Variants in GAS2 observed in about 807,000 individuals in gnomAD.
GAS2 encodes growth arrest-specific protein 2.
In GAS2, 20 loss-of-function variants were observed where a neutral mutation model predicts 37.5. That is an observed-to-expected ratio of 0.53 (90% CI 0.37 to 0.77). The LOEUF (loss-of-function observed/expected upper bound fraction) is 0.77, where lower values mean the gene tolerates loss of function less well. Among genes scored for constraint, GAS2 ranks in the 30% least tolerant of loss-of-function variants. GAS2 has a pLI of 0.00. For synonymous variants in GAS2, 144 were observed against 132.2 expected (o/e 1.09, Z -0.61); for missense variants, 336 against 373.4 (o/e 0.90, Z 0.82).
intron 1 of GAS2, among the ~76,000 whole-genome samples, chr11:22,644,424 A>G (rs986299770): frequency 7.2e-5 from 11 of 152,172 alleles, no homozygotes; most frequent in African/African-American, 2.7e-4. Context: ...CCAAGTATAA[A>G]GGGAGGCTTT....
At chr11:22,749,483 T>C (rs1475457338) in intron 6 of GAS2, among the ~76,000 whole-genome samples, 1 of 151,996 alleles carries the variant, frequency 6.6e-6, no homozygotes, top group East Asian at 1.9e-4. Flanking sequence ...CAGACCAATA[T>C]CTAAAACTTT....
chr11:22,758,881 C>G (rs528524153), intron 7 of GAS2, among the ~76,000 whole-genome samples: 6 of 99,110 alleles, frequency 6.1e-5, no homozygotes, highest in Non-Finnish European at 1.2e-4. Context: ...CCATCGCACT[C>G]CAGCCTGGAC....
chr11:22,707,157 G>A (rs1485364974), intron 3 of GAS2, among the ~76,000 whole-genome samples: 5 of 152,182 alleles, frequency 3.3e-5, no homozygotes, highest in Non-Finnish European at 7.3e-5. Context: ...AGGGAGATTG[G>A]TCTGGAGTTT....
At chr11:22,654,885 C>G (rs375691500) in intron 1 of GAS2, among the ~76,000 whole-genome samples, 1 of 152,080 alleles carries the variant, frequency 6.6e-6, no homozygotes, top group East Asian at 1.9e-4. Flanking sequence ...GAGCTACATA[C>G]TAGTCTTCAT....
intron 2 of GAS2, among the ~76,000 whole-genome samples, chr11:22,679,297 A>G (rs1048440764): frequency 6.6e-6 from 1 of 152,096 alleles, no homozygotes. Flanking sequence ...ATTGTTGCCT[A>G]TTGTACATTA....
intron 2 of GAS2, 66 bp downstream of exon 2, chr11:22,675,080 G>T (rs1183917465): frequency 6.6e-7 from 1 of 1,519,286 alleles, no homozygotes; most frequent in Non-Finnish European, 9.0e-7. Flanking sequence ...TCCTCCTGTA[G>T]TGTCCTTCAC....
At chr11:22,753,773 T>G (rs1853870306) in intron 6 of GAS2, among the ~76,000 whole-genome samples, 1 of 152,100 alleles carries the variant, frequency 6.6e-6, no homozygotes, top group African/African-American at 2.4e-5. Context: ...ATAAACATAT[T>G]TTACATGTAT....
chr11:22,664,634 GACT>G (rs1848954578), upstream of GAS2, among the ~76,000 whole-genome samples: 1 of 152,020 alleles, frequency 6.6e-6, no homozygotes, highest in Non-Finnish European at 1.5e-5. Flanking sequence ...GCTTCAGTTG[GACT>G]ACATTTTCCT....
At chr11:22,673,327 T>G (rs1849280670) in intron 1 of GAS2, among the ~76,000 whole-genome samples, 1 of 152,020 alleles carries the variant, frequency 6.6e-6, no homozygotes, top group Non-Finnish European at 1.5e-5. Flanking sequence ...CTGTGTAGAG[T>G]TTCAAATAAT....
At chr11:22,786,521 T>C (rs1368919216) in intron 7 of GAS2, among the ~76,000 whole-genome samples, 3 of 152,164 alleles carry the variant, frequency 2.0e-5, no homozygotes, top group African/African-American at 7.2e-5. Context: ...AATAGTAATA[T>C]AGGATAGTAT....
chr11:22,640,269 T>C (rs920668782), intron 1 of GAS2, among the ~76,000 whole-genome samples: 4 of 152,204 alleles, frequency 2.6e-5, no homozygotes, highest in Non-Finnish European at 5.9e-5. Flanking sequence ...GACCGTAACA[T>C]GTAATAATAG....
chr11:22,687,450 G>A (rs894138825), intron 3 of GAS2, among the ~76,000 whole-genome samples: 3 of 152,192 alleles, frequency 2.0e-5, no homozygotes, highest in Admixed American at 1.3e-4. Flanking sequence ...TGATTCTAAT[G>A]TGCAGCAAAG....
At chr11:22,705,264 C>A (rs1245670605) in intron 3 of GAS2, among the ~76,000 whole-genome samples, 1 of 152,126 alleles carries the variant, frequency 6.6e-6, no homozygotes, top group Non-Finnish European at 1.5e-5. Flanking sequence ...TAGGTCCCAT[C>A]CACCACAGGG....
At chr11:22,796,197 T>C (rs1397884798) in intron 7 of GAS2, among the ~76,000 whole-genome samples, 2 of 152,170 alleles carry the variant, frequency 1.3e-5, no homozygotes, top group Admixed American at 1.3e-4. Context: ...GACATAGTAA[T>C]TCTGGGTGCT....
Position 22,749,184 on chromosome 11 carries a change from T to C in GAS2, c.538T>C (p.Ser180Pro), listed in dbSNP as rs1248763753. Reference protein sequence around the residue: ...EKEIEQEETLSAPSPSPSPSS... With the variant: ...EKEIEQEETLPAPSPSPSPSS... ...AGAGATTGAACAAGAAGAAACACTT[T>C]CTGCCCCTTCTCCTTCACCTTCTCC... is the stretch of plus-strand genomic sequence containing the variant. Residue 180 changes from serine (S) to proline (P), a missense_variant, in exon 6 of 8, where the codon TCT becomes CCT. By Grantham distance (74) the Ser-to-Pro change is moderately conservative. Transcript: ENST00000454584. The C allele has an allele frequency of 3.1e-6, 5 of 1,612,664 alleles. No individual in the cohort carries two copies. The South Asian group carries it at 5.5e-5, about 18-fold the overall frequency.
At chr11:22,730,566 ATTTCT>A (rs551233196) in intron 4 of GAS2, among the ~76,000 whole-genome samples, 288 of 151,856 alleles carry the variant, frequency 1.9e-3, no homozygotes, top group African/African-American at 6.7e-3. Flanking sequence ...CAAGAGAAAC[ATTTCT>A]TTTCATTACT....
Position 22,706,963 on chromosome 11 carries a change from T to C in GAS2, c.268-19329T>C, listed in dbSNP as rs535476071. On this transcript the variant is annotated intron_variant, in intron 3 of 7. Transcript: ENST00000454584. ...TACAGTCCCACCAACAGTGTAAAAG[T>C]GTTCCTATTTCTCCACATTCTCTCC... 2.0e-5 allele frequency among the ~76,000 whole-genome samples: 3 copies of C among 152,216 alleles called. No homozygotes were observed. In the East Asian group the frequency reaches 5.8e-4, roughly 29 times the overall value.
At chr11:22,670,022 T>G (rs938785378) in intron 1 of GAS2, among the ~76,000 whole-genome samples, 24 of 152,188 alleles carry the variant, frequency 1.6e-4, no homozygotes, top group African/African-American at 5.5e-4. Context: ...TCTAGAACTT[T>G]CCTGGGTGGT....
chr11:22,699,610 A>C (rs1371121399), intron 3 of GAS2, among the ~76,000 whole-genome samples: 1 of 152,134 alleles, frequency 6.6e-6, no homozygotes, highest in East Asian at 1.9e-4. Flanking sequence ...AGGGCAGCTG[A>C]ACAGAAATGG....
Sources: allele counts gnomAD v4.1 joint callset (sites outside exome capture counted in the v4.1 genomes callset), GRCh38; gene constraint gnomAD v4.1.1; transcripts MANE v1.5; gene names NCBI Gene and HGNC (gene_info 2026-07-23, HGNC 2026-07-21).